Variants in CPS1 observed in about 807,000 individuals in gnomAD.
CPS1 encodes carbamoyl-phosphate synthase 1.
A neutral mutation model predicts 174.6 loss-of-function variants in CPS1; 109 were observed. That is an observed-to-expected ratio of 0.62 (90% CI 0.53 to 0.73). CPS1 has a LOEUF of 0.73. Among genes scored for constraint, CPS1 ranks in the 30% least tolerant of loss-of-function variants. The pLI, the probability that CPS1 is intolerant of heterozygous loss-of-function variation, is 0.00. For missense variants in CPS1, 1,689 were observed against 1,821.9 expected (o/e 0.93, Z 1.33); for synonymous variants, 637 against 632.0 (o/e 1.01, Z -0.12).
chr2:210,635,561 G>T (rs1172596044), intron 21 of CPS1, among the ~76,000 whole-genome samples: 1 of 152,086 alleles, frequency 6.6e-6, no homozygotes, highest in Non-Finnish European at 1.5e-5. Flanking sequence ...TAAATTTTTG[G>T]TCTTAAAAGA....
intron 1 of CPS1, among the ~76,000 whole-genome samples, chr2:210,545,464 G>A (rs1696535128): frequency 6.6e-6 from 1 of 151,896 alleles, no homozygotes; most frequent in African/African-American, 2.4e-5. Context: ...ATTGGGTGTG[G>A]TAGTAGCAAT....
At chr2:210,629,880 C>T (rs1385329469) in intron 21 of CPS1, among the ~76,000 whole-genome samples, 1 of 147,988 alleles carries the variant, frequency 6.8e-6, no homozygotes, top group East Asian at 2.1e-4. Flanking sequence ...GAAACCCCGA[C>T]TCTAATAAAA....
In CPS1 at chr2:210,557,821, G is replaced by T. The variant is rs116480665; in HGVS notation, c.126+962G>T. Among the ~76,000 whole-genome samples the T allele has an allele frequency of 8.1e-3, 1,234 of 152,150 alleles. 11 individuals carry two copies. Among genetic ancestry groups the T allele is most frequent in the African/African-American group, 0.028 (1,166 of 41,516 alleles). ...GTTTGGAGTGTTCTGCTTATACTTT[G>T]CATGCTCATTGAGTTGACTAAGCTT... On this transcript the variant is annotated intron_variant, in intron 1 of 37. Coordinates refer to ENST00000233072, the MANE Select transcript of CPS1 (RefSeq NM_001875.5).
intron 20 of CPS1, 133 bp downstream of exon 20, chr2:210,612,426 G>A: frequency 1.2e-6 from 1 of 800,244 alleles, no homozygotes; most frequent in South Asian, 1.5e-5. Flanking sequence ...TTCTTTTATA[G>A]TATTAAACTG....
In CPS1 at chr2:210,502,480, T is replaced by TA. The variant is rs201557520; in HGVS notation, c.3+24718dup. Among the ~76,000 whole-genome samples, 606 of 132,770 alleles carry TA rather than the reference T, an allele frequency of 4.6e-3. 5 individuals are homozygous for TA. The highest frequency in any genetic ancestry group is 0.015 in the African/African-American group (552 of 37,808). The allele number at this position is 132,770 out of a possible 152,430, so 87.1% of individuals were successfully genotyped here. On this transcript the variant is annotated intron_variant, in intron 1 of 38. Transcript: ENST00000430249. Reference sequence around the variant, plus strand: ...ACATATAGATATATATATTTATATATAAAAGAGATATAAATATAGAGATAT... The same window carrying TA: ...ACATATAGATATATATATTTATATATAAAAAGAGATATAAATATAGAGATAT...
intron 2 of CPS1, 31 bp downstream of exon 2, chr2:210,573,438 T>C: frequency 1.3e-6 from 2 of 1,493,894 alleles, no homozygotes; most frequent in Non-Finnish European, 1.9e-6. Context: ...GCTTTATTTT[T>C]CCTCTAGTAG....
chr2:210,485,319 A>G (rs947738853), intron 1 of CPS1, among the ~76,000 whole-genome samples: 5 of 152,146 alleles, frequency 3.3e-5, no homozygotes, highest in African/African-American at 1.2e-4. Context: ...ATACCATTTC[A>G]TAAGTTTTGA....
chr2:210,589,236 A>G (rs1390708768), intron 7 of CPS1, among the ~76,000 whole-genome samples: 2 of 151,950 alleles, frequency 1.3e-5, no homozygotes, highest in African/African-American at 2.4e-5. Context: ...GTGTTTCATG[A>G]TGTCACTTCC....
At chr2:210,640,463 C>T (rs1412209857) in intron 24 of CPS1, among the ~76,000 whole-genome samples, 1 of 152,190 alleles carries the variant, frequency 6.6e-6, no homozygotes, top group African/African-American at 2.4e-5. Context: ...CCTCTGACCT[C>T]ATCCTACGTA....
At chr2:210,593,613 C>T (rs1309388031) in intron 11 of CPS1, 3 of 985,222 alleles carry the variant, frequency 3.0e-6, no homozygotes, top group Non-Finnish European at 3.6e-6. Context: ...TGTGACTTCC[C>T]CACACCCAGG....
At chr2:210,537,120 G>A (rs1696277067) in intron 1 of CPS1, among the ~76,000 whole-genome samples, 1 of 152,148 alleles carries the variant, frequency 6.6e-6, no homozygotes, top group African/African-American at 2.4e-5. Context: ...GCTCCAGAAT[G>A]ATATTATATA....
intron 1 of CPS1, among the ~76,000 whole-genome samples, chr2:210,559,554 G>T (rs1697030915): frequency 6.6e-6 from 1 of 152,082 alleles, no homozygotes; most frequent in Non-Finnish European, 1.5e-5. Context: ...GATATCAAGG[G>T]TATAAATGAT....
intron 1 of CPS1, among the ~76,000 whole-genome samples, chr2:210,546,886 GA>G (rs1696578227): frequency 6.6e-6 from 1 of 151,934 alleles, no homozygotes; most frequent in Non-Finnish European, 1.5e-5. Flanking sequence ...ATTTTCTTTG[GA>G]TAAATGTGTA....
chr2:210,658,146 G>T, intron 30 of CPS1: 1 of 227,726 alleles, frequency 4.4e-6, no homozygotes. Flanking sequence ...GTAGAGTCCA[G>T]GGCAACAGAA....
intron 1 of CPS1, among the ~76,000 whole-genome samples, chr2:210,486,700 G>T (rs1175217178): frequency 6.6e-6 from 1 of 152,180 alleles, no homozygotes; most frequent in Non-Finnish European, 1.5e-5. Flanking sequence ...ATTAGAGACA[G>T]GGTTTCTCCA....
chr2:210,666,955 A>G (rs1701121983), intron 33 of CPS1, among the ~76,000 whole-genome samples: 1 of 152,192 alleles, frequency 6.6e-6, no homozygotes, highest in African/African-American at 2.4e-5. Context: ...CTTCCTACCC[A>G]TGAGCATGGA....
chr2:210,597,589 A>G (rs932668078), intron 13 of CPS1, among the ~76,000 whole-genome samples: 4 of 151,846 alleles, frequency 2.6e-5, no homozygotes, highest in South Asian at 4.1e-4. Context: ...GGGGTTTTCA[A>G]TAATAATTTC....
intron 1 of CPS1, among the ~76,000 whole-genome samples, chr2:210,513,100 A>G (rs114686998): frequency 1.3e-3 from 29 of 21,858 alleles, no homozygotes; most frequent in African/African-American, 3.3e-3. Flanking sequence ...ATACATATAT[A>G]TGGGGATATA....
chr2:210,590,762 C>T, intron 8 of CPS1, 38 bp from the exon 9 acceptor site: 2 of 1,527,808 alleles, frequency 1.3e-6, no homozygotes, highest in Non-Finnish European at 9.1e-7. Context: ...TTTTTTGGAA[C>T]TGTACTAATT....
Sources: gnomAD v4.1 joint callset for allele counts (sites outside exome capture counted in the v4.1 genomes callset) on GRCh38, gnomAD v4.1.1 for gene constraint, MANE v1.5 for transcripts, NCBI Gene and HGNC (gene_info 2026-07-23, HGNC 2026-07-21) for gene names.